TMEM63C: variants seen among roughly 807,000 people sequenced by gnomAD.
TMEM63C encodes the protein transmembrane protein 63C, also known as osmosensitive cation channel TMEM63C.
A neutral mutation model predicts 99.2 loss-of-function variants in TMEM63C; 32 were observed. The observed-to-expected ratio is 0.32, with a 90% CI of 0.24 to 0.43. The LOEUF (loss-of-function observed/expected upper bound fraction) is 0.43. TMEM63C is among the 20% of genes least tolerant of loss of function. TMEM63C has a pLI of 1.00. For synonymous variants in TMEM63C, 376 were observed against 397.9 expected (o/e 0.94, Z 0.66); for missense variants, 826 against 1,053.0 (o/e 0.78, Z 2.98).
At chr14:77,246,161 G>T in intron 17 of TMEM63C, 135 bp downstream of exon 17, 4 of 744,620 alleles carry the variant, frequency 5.4e-6, no homozygotes, top group Non-Finnish European at 9.6e-6. Flanking sequence ...CCTGTCATGG[G>T]TGTAGCATGA....
At chr14:77,189,517 C>T (rs191791574) in intron 1 of TMEM63C, among the ~76,000 whole-genome samples, 2 of 152,220 alleles carry the variant, frequency 1.3e-5, no homozygotes, top group East Asian at 3.9e-4. Flanking sequence ...GTGTGTAGTG[C>T]CTTGGAGAGA....
rs566134242 is a variant in TMEM63C, at chr14:77,210,070, C to G, written c.-76-3376C>G. Among the ~76,000 whole-genome samples, 458 of 152,324 alleles carry G rather than the reference C, an allele frequency of 3.0e-3. 4 individuals carry two copies. The highest frequency in any genetic ancestry group is 0.011 in the African/African-American group (439 of 41,570). On this transcript the variant is annotated intron_variant, in intron 1 of 23. Transcript: ENST00000298351. ...CTTTATCCCCAAATCTCTCCACCCTCTCTCCTTATTTAGGAGGAGTGACAA... is the reference window on the plus strand; with the variant it reads ...CTTTATCCCCAAATCTCTCCACCCTGTCTCCTTATTTAGGAGGAGTGACAA...
chr14:77,201,104 A>G (rs1325667281), intron 1 of TMEM63C: 1 of 152,000 alleles, frequency 6.6e-6, no homozygotes, highest in Non-Finnish European at 1.5e-5. Flanking sequence ...CCACACCCAC[A>G]GCAAAAGAGA....
chr14:77,206,036 T>C (rs1427797838), intron 1 of TMEM63C, among the ~76,000 whole-genome samples: 1 of 151,968 alleles, frequency 6.6e-6, no homozygotes, highest in African/African-American at 2.4e-5. Flanking sequence ...TGGAGGAGAG[T>C]GCACATAGGC....
At chr14:77,207,918 G>A (rs1489987868) in intron 1 of TMEM63C, among the ~76,000 whole-genome samples, 1 of 152,148 alleles carries the variant, frequency 6.6e-6, no homozygotes, top group Non-Finnish European at 1.5e-5. Flanking sequence ...CTGCTTGTTG[G>A]AATCAGCGTT....
At position 77,219,713 on chromosome 14, in the gene TMEM63C, C is replaced by T. The variant is rs1302441818; in HGVS notation, c.230+136C>T. 5 of 898,768 alleles carry T rather than the reference C, an allele frequency of 5.6e-6. No homozygotes were observed. The East Asian group carries it at 9.9e-5, about 18-fold the overall frequency. The allele number at this position is 898,768 out of a possible 1,614,324, so 55.7% of individuals were successfully genotyped here. A position where few individuals can be genotyped will look rare whatever the true frequency, so the allele number is the denominator to read the frequency against. On this transcript the variant is annotated intron_variant, in intron 4 of 23. Transcript: ENST00000298351. ...AAGTGGCCTCTGCCCCTGCTCTGCC[C>T]TCCCTGCAGGAAGGGGACTTGGAGG... is the stretch of plus-strand genomic sequence containing the variant.
chr14:77,248,553 G>A, intron 19 of TMEM63C, 44 bp downstream of exon 19: 2 of 1,557,984 alleles, frequency 1.3e-6, no homozygotes, highest in Non-Finnish European at 1.7e-6. Context: ...AGTTTCCTTT[G>A]GGAGGGTGTC....
intron 1 of TMEM63C, among the ~76,000 whole-genome samples, chr14:77,187,552 A>G (rs923182234): frequency 6.6e-6 from 1 of 152,308 alleles, no homozygotes; most frequent in Admixed American, 6.5e-5. Flanking sequence ...AGGCACATAC[A>G]TGCAGCTTGT....
At chr14:77,186,081 G>A (rs1594846337) in intron 1 of TMEM63C, among the ~76,000 whole-genome samples, 1 of 151,668 alleles carries the variant, frequency 6.6e-6, no homozygotes, top group South Asian at 2.1e-4. Context: ...GCACTATCTC[G>A]GCTCACTGCA....
At position 77,251,983 on chromosome 14, in the gene TMEM63C, A is replaced by G; in HGVS notation, c.2148+85A>G. ...GGATACTCTCCAGGTCTGGGCTCCC[A>G]TAGCACCACAGGATGAAAGGGTCTC... On this transcript the variant is annotated intron_variant, in intron 22 of 23. Coordinates refer to ENST00000298351, the MANE Select transcript of TMEM63C (RefSeq NM_020431.4). 5 of 1,089,224 alleles carry G rather than the reference A, an allele frequency of 4.6e-6. No individual in the cohort carries two copies. In the South Asian group the frequency reaches 6.3e-5, roughly 14 times the overall value. The allele number at this position is 1,089,224 out of a possible 1,614,324, so 67.5% of individuals were successfully genotyped here. A position where few individuals can be genotyped will look rare whatever the true frequency, so the allele number is the denominator to read the frequency against.
intron 9 of TMEM63C, among the ~76,000 whole-genome samples, chr14:77,237,505 C>A (rs939150760): frequency 1.2e-4 from 19 of 152,234 alleles, no homozygotes; most frequent in Admixed American, 1.1e-3. Context: ...CCCCTGTGGG[C>A]AAGTGGAGCT....
intron 1 of TMEM63C, among the ~76,000 whole-genome samples, chr14:77,200,340 G>C (rs986000925): frequency 6.6e-6 from 1 of 152,192 alleles, no homozygotes; most frequent in African/African-American, 2.4e-5. Flanking sequence ...TGGAGGTTGT[G>C]CCAGCCACCA....
chr14:77,229,351 C>T (rs1430267818), intron 6 of TMEM63C, among the ~76,000 whole-genome samples: 1 of 152,086 alleles, frequency 6.6e-6, no homozygotes, highest in Non-Finnish European at 1.5e-5. Flanking sequence ...GAGCCAAGAT[C>T]ATGTCACGCA....
chr14:77,253,146 C>A (rs1319503963), intron 22 of TMEM63C, among the ~76,000 whole-genome samples, 159 bp from the exon 23 acceptor site: 1 of 152,180 alleles, frequency 6.6e-6, no homozygotes, highest in Admixed American at 6.5e-5. Context: ...CTCTGTCCCC[C>A]TGGGTCTCAG....
chr14:77,214,863 C>T (rs1409859415), intron 2 of TMEM63C, among the ~76,000 whole-genome samples: 1 of 152,180 alleles, frequency 6.6e-6, no homozygotes, highest in East Asian at 1.9e-4. Context: ...CTCTGCTCTA[C>T]ACTTACTAGC....
chr14:77,225,903 C>T (rs1046789479), intron 6 of TMEM63C, among the ~76,000 whole-genome samples: 9 of 151,984 alleles, frequency 5.9e-5, no homozygotes, highest in Admixed American at 1.3e-4. Flanking sequence ...AGCAGAGGGG[C>T]AGCCCTTGCC....
Position 77,253,357 on chromosome 14 carries a change from C to T in TMEM63C, c.2201C>T (p.Ser734Phe). ...TVFDMEPSST[S>F]STPTSLLYVA... ...TTTGACATGGAGCCAAGCAGCACCT[C>T]CTCCACGCCCACCTCCCTCGTGAGT... is the stretch of plus-strand genomic sequence containing the variant. Residue 734 changes from serine (S) to phenylalanine (F), a missense_variant, in exon 23 of 24, where the codon TCC (serine) becomes TTC (phenylalanine). Transcript: ENST00000298351. The T allele has an allele frequency of 1.2e-6, 2 of 1,612,226 alleles. No homozygotes were observed. The highest frequency in any genetic ancestry group is 1.7e-6 in the Non-Finnish European group (2 of 1,179,376).
Position 77,246,672 on chromosome 14 carries a change from C to T in TMEM63C, c.1599C>T (p.Phe533=), listed in dbSNP as rs1042454844. ...IYYLEQASIR[F]QCVFLPDNGA... is the part of the protein sequence containing the mutation. ...ATCTAGAGCAAGCATCCATCAGGTT[C>T]CAGTGAGTACTCCCATGTGTCCACC... The change falls in exon 18 of 24, where the codon TTC becomes TTT. Residue 533 remains phenylalanine (F), a splice_region_variant and synonymous_variant. Coordinates refer to ENST00000298351, the MANE Select transcript of TMEM63C (RefSeq NM_020431.4). 6.2e-7 allele frequency: 1 copy of T among 1,612,778 alleles called. No homozygotes were observed. The highest frequency in any genetic ancestry group is 1.1e-5 in the South Asian group (1 of 90,774).
At chr14:77,192,100 C>T (rs1410650745) in intron 1 of TMEM63C, among the ~76,000 whole-genome samples, 7 of 152,144 alleles carry the variant, frequency 4.6e-5, no homozygotes, top group Admixed American at 3.9e-4. Context: ...GATATAAATA[C>T]GGCCATCCTT....
Sources: gnomAD v4.1 joint callset for allele counts (sites outside exome capture counted in the v4.1 genomes callset) on GRCh38, gnomAD v4.1.1 for gene constraint, MANE v1.5 for transcripts, NCBI Gene and HGNC (gene_info 2026-07-23, HGNC 2026-07-21) for gene names.